OR51B5: variants seen among roughly 807,000 people sequenced by gnomAD.
OR51B5 encodes olfactory receptor 51B5.
For missense variants in OR51B5, 456 were observed against 374.6 expected, an observed-to-expected ratio of 1.22 and a Z score of -1.79; for synonymous variants, 186 against 144.8, an observed-to-expected ratio of 1.28 and a Z score of -2.04.
At chr11:5,447,368 A>G (rs2133781163) in intron 1 of OR51B5, among the ~76,000 whole-genome samples, 1 of 152,252 alleles carries the variant, frequency 6.6e-6, no homozygotes, top group South Asian at 2.1e-4. Flanking sequence ...CTATGGTTCC[A>G]GCTTCCACTG....
chr11:5,475,722 T>C (rs1403907292), intron 1 of OR51B5, among the ~76,000 whole-genome samples: 1 of 152,154 alleles, frequency 6.6e-6, no homozygotes, highest in Non-Finnish European at 1.5e-5. Flanking sequence ...CTCCTATTCT[T>C]TAATATATTC....
intron 1 of OR51B5, among the ~76,000 whole-genome samples, chr11:5,366,839 C>T (rs1039292189): frequency 1.3e-5 from 2 of 152,126 alleles, no homozygotes; most frequent in African/African-American, 2.4e-5. Context: ...ATCCCAAGCA[C>T]GGGTCTCTGT....
At chr11:5,358,366 T>G (rs961631844) in intron 1 of OR51B5, among the ~76,000 whole-genome samples, 1 of 152,108 alleles carries the variant, frequency 6.6e-6, no homozygotes, top group African/African-American at 2.4e-5. Context: ...TATAAACACC[T>G]CTACACAAAT....
At chr11:5,396,955 A>G (rs1849882819) in intron 1 of OR51B5, among the ~76,000 whole-genome samples, 1 of 152,242 alleles carries the variant, frequency 6.6e-6, no homozygotes, top group African/African-American at 2.4e-5. Flanking sequence ...AAATGGGGAA[A>G]GGATTCCCTG....
chr11:5,490,074 C>T (rs988895873), intron 1 of OR51B5, among the ~76,000 whole-genome samples: 2 of 152,164 alleles, frequency 1.3e-5, no homozygotes, highest in African/African-American at 4.8e-5. Context: ...TGGTTAAAAG[C>T]ACAAAGTATA....
In OR51B5 at chr11:5,418,445, AAAAC is replaced by A. The variant is rs577356015; in HGVS notation, n.85-71539_85-71536del. Among the ~76,000 whole-genome samples the A allele has an allele frequency of 1.2e-3, 176 of 152,154 alleles. 3 individuals carry two copies. In the South Asian group the frequency reaches 0.014, roughly 12 times the overall value. ...AACAAAACAAAACAAAAAGAAAAAC[AAAAC>A]AAACAAACAAAAAAAGCACCGAACC... On this transcript the variant is annotated intron_variant and non_coding_transcript_variant, in intron 1 of 4. Coordinates refer to the OR51B5 transcript ENST00000415970.
chr11:5,499,285 T>TGACCTATTTTTGTGAATAGGTCTCTTA (rs1851688670), intron 1 of OR51B5, among the ~76,000 whole-genome samples: 1 of 150,474 alleles, frequency 6.6e-6, no homozygotes, highest in African/African-American at 2.4e-5. Context: ...GGTTACTCTT[T>TGACCTATTTTTGTGAATAGGTCTCTTA]GACCTATTTC....
intron 1 of OR51B5, among the ~76,000 whole-genome samples, chr11:5,367,147 GAC>G (rs145209187): frequency 0.057 from 8,669 of 152,266 alleles, 290 homozygotes; most frequent in South Asian, 0.096. Flanking sequence ...GCCACTTAGT[GAC>G]ACAGAGTTTT....
chr11:5,465,205 C>CAAAA (rs34459420), intron 1 of OR51B5, among the ~76,000 whole-genome samples: 486 of 45,220 alleles, frequency 0.011, 32 homozygotes, highest in African/African-American at 0.028. Flanking sequence ...GACTCCGTCT[C>CAAAA]AAAAAAAAAA....
In OR51B5 at chr11:5,436,061, T is replaced by G. The variant is rs74482808; in HGVS notation, n.84+69508A>C. ...CTACTTAGGCTGTAACTGAAGTACC[T>G]TCAGTTTTTGGTTCTCTATTCTAAA... On this transcript the variant is annotated intron_variant and non_coding_transcript_variant, in intron 1 of 4. Coordinates refer to the OR51B5 transcript ENST00000415970. Among the ~76,000 whole-genome samples the G allele has an allele frequency of 9.9e-3, 1,506 of 152,278 alleles. 25 individuals carry two copies. The highest frequency in any genetic ancestry group is 0.033 in the African/African-American group (1,373 of 41,566).
chr11:5,389,657 G>A lies in OR51B5; in HGVS notation n.85-42747C>T, dbSNP rs371864858. On this transcript the variant is annotated intron_variant and non_coding_transcript_variant, in intron 1 of 4. Coordinates refer to the OR51B5 transcript ENST00000415970. ...GGCCCTCACTGACCTGGGGCTGTGT[G>A]TGTCCACGTTGCCCACCACTATGGG... is the stretch of plus-strand genomic sequence containing the variant. 9.7e-5 allele frequency: 157 copies of A among 1,613,516 alleles called. No homozygotes were observed. In the Middle Eastern group the frequency reaches 1.2e-3, roughly 12 times the overall value.
rs138031110 is a variant in OR51B5 at position 5,493,779 on chromosome 11, C to A, written n.84+11790G>T. Among the ~76,000 whole-genome samples the A allele has an allele frequency of 7.0e-4, 106 of 152,230 alleles. 1 individual carries two copies. Among genetic ancestry groups the A allele is most frequent in the African/African-American group, 2.5e-3 (103 of 41,540 alleles). ...CCATTAATTGCTACCATATACTTAA[C>A]TTTTCTGATTCTAGAATTTTCAATG... is the stretch of plus-strand genomic sequence containing the variant. On this transcript the variant is annotated intron_variant and non_coding_transcript_variant, in intron 1 of 4. Coordinates refer to the OR51B5 transcript ENST00000415970.
chr11:5,496,719 T>A (rs993805185), intron 1 of OR51B5, among the ~76,000 whole-genome samples: 1 of 152,162 alleles, frequency 6.6e-6, no homozygotes, highest in Non-Finnish European at 1.5e-5. Flanking sequence ...ACACTAGAAG[T>A]GGAGTTTCCC....
At chr11:5,419,678 G>A (rs1850300844) in intron 1 of OR51B5, among the ~76,000 whole-genome samples, 2 of 152,050 alleles carry the variant, frequency 1.3e-5, no homozygotes, top group South Asian at 4.1e-4. Context: ...AGAGCTCCTG[G>A]AAACAACCTC....
exon 1 of OR51B5, chr11:5,342,965 C>T (rs773857233): frequency 6.2e-7 from 1 of 1,613,686 alleles, no homozygotes; most frequent in Non-Finnish European, 8.5e-7. Context: ...GGTATCAGCA[C>T]AGGCGAGTTT....
upstream of OR51B5, chr11:5,346,478 A>C (rs1442831387): frequency 7.3e-6 from 1 of 136,624 alleles, no homozygotes; most frequent in Non-Finnish European, 1.7e-5. Context: ...AGAAAATCAG[A>C]TAAACTTCTA....
At chr11:5,353,312 A>T (rs1286589264) in intron 1 of OR51B5, among the ~76,000 whole-genome samples, 4 of 152,210 alleles carry the variant, frequency 2.6e-5, no homozygotes, top group African/African-American at 4.8e-5. Context: ...TCAGATGACC[A>T]TTGTCTTGAT....
intron 1 of OR51B5, among the ~76,000 whole-genome samples, chr11:5,430,349 T>C (rs1360876984): frequency 6.6e-6 from 1 of 152,192 alleles, no homozygotes; most frequent in African/African-American, 2.4e-5. Context: ...TGTCAGGCTT[T>C]TTTGCTAGGA....
At chr11:5,367,693 A>T (rs1309200910) in intron 1 of OR51B5, among the ~76,000 whole-genome samples, 2 of 152,164 alleles carry the variant, frequency 1.3e-5, no homozygotes, top group Non-Finnish European at 2.9e-5. Context: ...ACTTTCTGGG[A>T]ATACAGCCCA....
Sources: gnomAD v4.1 joint callset for allele counts (sites outside exome capture counted in the v4.1 genomes callset) on GRCh38, gnomAD v4.1.1 for gene constraint, MANE v1.5 for transcripts, NCBI Gene and HGNC (gene_info 2026-07-23, HGNC 2026-07-21) for gene names.